Variants in ST7 observed in about 807,000 individuals in gnomAD.
ST7 encodes suppressor of tumorigenicity 7 protein.
A neutral mutation model predicts 78.7 loss-of-function variants in ST7; 28 were observed. That is an observed-to-expected ratio of 0.36 (90% CI 0.26 to 0.49). ST7 has a LOEUF of 0.49. Ranked by LOEUF, ST7 falls within the 20% of genes least tolerant of loss-of-function variation. The pLI is 0.99. For synonymous variants in ST7, 247 were observed against 249.6 expected (o/e 0.99, Z 0.10); for missense variants, 418 against 696.0 (o/e 0.60, Z 4.49).
At chr7:117,191,053 G>T in intron 12 of ST7, 117 bp downstream of exon 12, 1 of 792,446 alleles carries the variant, frequency 1.3e-6, no homozygotes, top group Non-Finnish European at 2.1e-6. Context: ...ACCAACAAAT[G>T]TTGAGACCCT....
chr7:117,015,298 C>T (rs1227457784), intron 1 of ST7, among the ~76,000 whole-genome samples: 3 of 152,142 alleles, frequency 2.0e-5, no homozygotes, highest in African/African-American at 7.2e-5. Flanking sequence ...ACATTTCTCC[C>T]CTCTTAGGCC....
intron 9 of ST7, among the ~76,000 whole-genome samples, chr7:117,155,456 GA>G (rs1806612836): frequency 6.6e-6 from 1 of 152,206 alleles, no homozygotes; most frequent in Non-Finnish European, 1.5e-5. Flanking sequence ...TGGAGAGCAG[GA>G]ATGGAGGCAG....
intron 9 of ST7, among the ~76,000 whole-genome samples, chr7:117,164,987 G>A (rs532500318): frequency 6.6e-6 from 1 of 152,078 alleles, no homozygotes; most frequent in South Asian, 2.1e-4. Flanking sequence ...TTGGAGGGTG[G>A]GGTGATTTTG....
At chr7:117,130,647 T>A in intron 5 of ST7, 41 bp downstream of exon 5, 5 of 1,488,896 alleles carry the variant, frequency 3.4e-6, no homozygotes, top group Non-Finnish European at 4.6e-6. Flanking sequence ...GGAGGGCTTT[T>A]TGGCTTAAGT....
At chr7:117,026,659 T>A (rs1796196171) in intron 1 of ST7, among the ~76,000 whole-genome samples, 1 of 152,210 alleles carries the variant, frequency 6.6e-6, no homozygotes, top group African/African-American at 2.4e-5. Context: ...ATATCATGGC[T>A]CTACCGTGTA....
chr7:117,074,162 G>A (rs367586973), intron 1 of ST7, among the ~76,000 whole-genome samples: 11 of 152,220 alleles, frequency 7.2e-5, no homozygotes, highest in South Asian at 4.2e-4. Context: ...AGGCCAAGGC[G>A]GGTGGATCAC....
intron 1 of ST7, among the ~76,000 whole-genome samples, chr7:117,042,562 AT>A (rs1422271573): frequency 2.0e-5 from 3 of 152,180 alleles, no homozygotes; most frequent in Non-Finnish European, 4.4e-5. Context: ...CTCTGTCTTT[AT>A]TCCCTATTAA....
intron 1 of ST7, among the ~76,000 whole-genome samples, chr7:116,982,398 A>G (rs543126118): frequency 2.1e-3 from 320 of 151,874 alleles, no homozygotes; most frequent in African/African-American, 7.2e-3. Context: ...CTAATTTTGT[A>G]TTTTTAGTGG....
At chr7:117,121,069 A>G (rs1006938730) in intron 3 of ST7, among the ~76,000 whole-genome samples, 1 of 152,180 alleles carries the variant, frequency 6.6e-6, no homozygotes, top group African/African-American at 2.4e-5. Flanking sequence ...CAATTTGTTA[A>G]TTTTCTACAA....
At chr7:117,044,968 C>T (rs569515834) in intron 1 of ST7, among the ~76,000 whole-genome samples, 1 of 152,308 alleles carries the variant, frequency 6.6e-6, no homozygotes, top group East Asian at 1.9e-4. Flanking sequence ...ATCACCTTCT[C>T]AGGTTGTGGC....
intron 1 of ST7, among the ~76,000 whole-genome samples, chr7:117,037,707 T>G (rs537675638): frequency 6.6e-6 from 1 of 152,328 alleles, no homozygotes; most frequent in East Asian, 1.9e-4. Context: ...AGACTTCCGA[T>G]TATATGGCAA....
At chr7:116,969,118 TTTTAGA>T (rs1793288703) in intron 1 of ST7, among the ~76,000 whole-genome samples, 1 of 152,240 alleles carries the variant, frequency 6.6e-6, no homozygotes, top group Admixed American at 6.5e-5. Context: ...TTTAGAACCC[TTTTAGA>T]TGTGGCAGTT....
chr7:117,221,855 C>T (rs1432573786), intron 14 of ST7, 68 bp from the exon 15 acceptor site: 2 of 1,488,168 alleles, frequency 1.3e-6, no homozygotes, highest in African/African-American at 2.9e-5. Context: ...TCAGTGCCAC[C>T]ATAAAGACCT....
intron 1 of ST7, among the ~76,000 whole-genome samples, chr7:117,047,863 A>G (rs990704074): frequency 1.2e-4 from 18 of 152,290 alleles, no homozygotes; most frequent in African/African-American, 4.3e-4. Context: ...GTTGTGCACT[A>G]TTAATATACA....
At chr7:116,956,908 A>C (rs1792532657) in intron 1 of ST7, 1 of 319,778 alleles carries the variant, frequency 3.1e-6, no homozygotes, top group African/African-American at 2.2e-5. Flanking sequence ...TCTTGAATTG[A>C]GCCTAAGAGG....
At chr7:117,105,289 T>C (rs1422997488) in intron 2 of ST7, among the ~76,000 whole-genome samples, 3 of 151,970 alleles carry the variant, frequency 2.0e-5, no homozygotes, top group African/African-American at 7.3e-5. Context: ...AGATACAGAG[T>C]AGATTGGTGG....
intron 1 of ST7, among the ~76,000 whole-genome samples, chr7:116,979,781 T>C (rs1793864715): frequency 6.6e-6 from 1 of 152,034 alleles, no homozygotes; most frequent in African/African-American, 2.4e-5. Context: ...GCAAATGAAA[T>C]AGAGACACCT....
At chr7:117,166,733 C>CA (rs1225488632) in intron 9 of ST7, among the ~76,000 whole-genome samples, 3 of 151,802 alleles carry the variant, frequency 2.0e-5, no homozygotes, top group Non-Finnish European at 4.4e-5. Context: ...ACTAAAGATA[C>CA]AAAAAATTAG....
At chr7:117,083,467 A>C (rs2116628873) in intron 1 of ST7, among the ~76,000 whole-genome samples, 1 of 152,168 alleles carries the variant, frequency 6.6e-6, no homozygotes, top group Non-Finnish European at 1.5e-5. Flanking sequence ...CATGTTGGCC[A>C]GGCTGGTCTC....
Sources: gnomAD v4.1 joint callset for allele counts (sites outside exome capture counted in the v4.1 genomes callset) on GRCh38, gnomAD v4.1.1 for gene constraint, MANE v1.5 for transcripts, NCBI Gene and HGNC (gene_info 2026-07-23, HGNC 2026-07-21) for gene names.